The following DOCK5 variants were observed in gnomAD, a reference collection of about 807,000 sequenced individuals.
The protein encoded by DOCK5 is dedicator of cytokinesis 5.
A neutral mutation model predicts 251.8 loss-of-function variants in DOCK5; 142 were observed. The observed-to-expected ratio is 0.56, with a 90% CI of 0.49 to 0.65. The LOEUF (loss-of-function observed/expected upper bound fraction) is 0.65, where lower values mean the gene tolerates loss of function less well. Ranked by LOEUF, DOCK5 falls within the 30% of genes least tolerant of loss-of-function variation. DOCK5 has a pLI of 0.00. For synonymous variants in DOCK5, 842 were observed against 835.5 expected, an observed-to-expected ratio of 1.01 and a Z score of -0.13; for missense variants, 2,111 against 2,312.3, an observed-to-expected ratio of 0.91 and a Z score of 1.79.
chr8:25,364,913 A>G (rs535988672), intron 30 of DOCK5: 1 of 433,490 alleles, frequency 2.3e-6, no homozygotes, highest in Non-Finnish European at 4.1e-6. Context: ...TAAAGGTAAC[A>G]TATGTAAAAA....
chr8:25,384,463 A>ATTTAT (rs1400363524), intron 40 of DOCK5, among the ~76,000 whole-genome samples: 7 of 135,690 alleles, frequency 5.2e-5, no homozygotes, highest in African/African-American at 7.9e-5. Context: ...TTATTTATTT[A>ATTTAT]TTTTTTTTTT....
chr8:25,376,289 T>C lies in DOCK5; in HGVS notation c.3817-1016T>C, dbSNP rs199983094. The C allele has an allele frequency of 1.3e-4, 129 of 977,522 alleles. No homozygotes were observed. The East Asian group carries it at 1.0e-2, about 76-fold the overall frequency. The allele number at this position is 977,522 out of a possible 1,614,324, so 60.6% of individuals were successfully genotyped here. A position where few individuals can be genotyped will look rare whatever the true frequency, so the allele number is the denominator to read the frequency against. ...GTAAGATATGAGGTATGAATGCAGC[T>C]TTTTTTCCCCCCAGATTGCTATTCA... On this transcript the variant is annotated intron_variant, in intron 37 of 51. Coordinates refer to ENST00000276440, the MANE Select transcript of DOCK5 (RefSeq NM_024940.8).
In DOCK5 at chr8:25,411,259, G is replaced by C. The variant is rs1324881887; in HGVS notation, c.5574G>C (p.Arg1858=). ...CACCCCCTCCACCTCCAAAGGCTCG[G>C]AAGTCTGGCATCCCTACTTCCGAGC... ...KAPPPPPPKA[R]KSGIPTSEPG... The change falls in exon 52 of 52, where the codon CGG becomes CGC. Residue 1858 remains arginine (R), a synonymous_variant. Transcript: ENST00000276440. The C allele has an allele frequency of 6.3e-7, 1 of 1,583,850 alleles. No individual in the cohort carries two copies. The highest frequency in any genetic ancestry group is 8.6e-7 in the Non-Finnish European group (1 of 1,167,264).
chr8:25,275,322 G>T, intron 3 of DOCK5, 64 bp from the exon 4 acceptor site: 1 of 1,347,338 alleles, frequency 7.4e-7, no homozygotes, highest in East Asian at 2.4e-5. Flanking sequence ...TTTGGGCTGA[G>T]GTGTTTTTGT....
At chr8:25,267,708 G>T (rs1446923464) in intron 2 of DOCK5, among the ~76,000 whole-genome samples, 2 of 152,130 alleles carry the variant, frequency 1.3e-5, no homozygotes, top group African/African-American at 4.8e-5. Context: ...TTAGTTGATG[G>T]GCATGGGGAA....
chr8:25,203,435 A>G (rs973943489), intron 1 of DOCK5, among the ~76,000 whole-genome samples: 15 of 152,244 alleles, frequency 9.9e-5, no homozygotes, highest in African/African-American at 3.4e-4. Flanking sequence ...GTTTGAGGCT[A>G]CAGAAGAATT....
intron 1 of DOCK5, among the ~76,000 whole-genome samples, chr8:25,228,924 A>G (rs990903742): frequency 4.6e-5 from 7 of 151,954 alleles, no homozygotes; most frequent in Admixed American, 3.3e-4. Flanking sequence ...TCTTCTTTCA[A>G]TCTTTTAAAC....
In DOCK5 at chr8:25,374,603, G is replaced by A; in HGVS notation, c.3765G>A (p.Glu1255=). 6.2e-7 allele frequency: 1 copy of A among 1,613,438 alleles called. No individual in the cohort carries two copies. The highest frequency in any genetic ancestry group is 8.5e-7 in the Non-Finnish European group (1 of 1,179,786). Residue 1255 remains glutamate, a synonymous_variant, in exon 37 of 52, where the codon GAG becomes GAA. Transcript: ENST00000276440. The part of the protein sequence containing the change: ...YKLRDLHRDC[E]NYTEAAYTLL... ...TTCGAGATTTGCACCGAGACTGTGA[G>A]AACTACACAGAAGCTGCCTACACGC... is the stretch of plus-strand genomic sequence containing the variant.
At chr8:25,192,434 G>T (rs142679893) in intron 1 of DOCK5, among the ~76,000 whole-genome samples, 1 of 152,150 alleles carries the variant, frequency 6.6e-6, no homozygotes, top group South Asian at 2.1e-4. Flanking sequence ...CGTCACCTTG[G>T]TTTTGCCCTG....
At chr8:25,313,679 G>A (rs1000035683) in intron 13 of DOCK5, among the ~76,000 whole-genome samples, 18 of 152,298 alleles carry the variant, frequency 1.2e-4, no homozygotes, top group Admixed American at 2.6e-4. Context: ...TGACAGCAGG[G>A]ATGGCTTCTT....
chr8:25,336,516 G>T, intron 22 of DOCK5, 143 bp downstream of exon 22: 1 of 1,165,284 alleles, frequency 8.6e-7, no homozygotes, highest in Non-Finnish European at 1.2e-6. Flanking sequence ...GCTGAAGATG[G>T]ATTTGGGCTG....
chr8:25,404,655 T>C (rs183364490), intron 48 of DOCK5, among the ~76,000 whole-genome samples: 4 of 152,318 alleles, frequency 2.6e-5, no homozygotes, highest in Non-Finnish European at 2.9e-5. Flanking sequence ...TTTCACTCTA[T>C]TACTGTTACT....
At chr8:25,393,125 G>A (rs1284583143) in intron 44 of DOCK5, among the ~76,000 whole-genome samples, 1 of 152,184 alleles carries the variant, frequency 6.6e-6, no homozygotes, top group Non-Finnish European at 1.5e-5. Context: ...GAGGAGTGGT[G>A]TCTGCTCAGC....
intron 13 of DOCK5, among the ~76,000 whole-genome samples, chr8:25,313,669 T>TTG (rs1185150343): frequency 6.6e-6 from 1 of 152,200 alleles, no homozygotes; most frequent in Non-Finnish European, 1.5e-5. Context: ...AACACCAAGG[T>TTG]GACAGCAGGG....
intron 13 of DOCK5, among the ~76,000 whole-genome samples, chr8:25,316,548 A>T (rs1037433675): frequency 2.0e-5 from 3 of 152,162 alleles, no homozygotes; most frequent in Non-Finnish European, 4.4e-5. Context: ...TGTTCTGTAG[A>T]TTAACAAGTT....
chr8:25,223,487 A>T (rs1169440546), intron 1 of DOCK5, among the ~76,000 whole-genome samples: 2 of 151,984 alleles, frequency 1.3e-5, no homozygotes, highest in African/African-American at 4.8e-5. Flanking sequence ...GTTAATTTTT[A>T]AATTATTTGT....
intron 3 of DOCK5, among the ~76,000 whole-genome samples, chr8:25,272,731 C>T (rs894039923): frequency 1.3e-5 from 2 of 152,068 alleles, no homozygotes; most frequent in African/African-American, 4.8e-5. Flanking sequence ...ACCATCTTAA[C>T]CATTTGTAAG....
rs1800913025 is a variant in DOCK5 at position 25,373,599 on chromosome 8, T to G, written c.3685-19T>G. ...CTTGATTTATGTTGGGATTCTGTGA[T>G]CCTTTTTTTTCCTGGCAGAACTTTT... On this transcript the variant is annotated intron_variant, in intron 35 of 51. Transcript: ENST00000276440. 6.5e-7 allele frequency: 1 copy of G among 1,547,070 alleles called. No homozygotes were observed. Among genetic ancestry groups the G allele is most frequent in the Non-Finnish European group, 8.7e-7 (1 of 1,145,898 alleles).
chr8:25,399,379 T>A (rs1335610920), intron 45 of DOCK5, among the ~76,000 whole-genome samples: 1 of 152,218 alleles, frequency 6.6e-6, no homozygotes, highest in African/African-American at 2.4e-5. Flanking sequence ...ATTTTCTTTT[T>A]AAAATAGCAC....
Sources: gnomAD v4.1 joint callset for allele counts (sites outside exome capture counted in the v4.1 genomes callset) on GRCh38, gnomAD v4.1.1 for gene constraint, MANE v1.5 for transcripts, NCBI Gene and HGNC (gene_info 2026-07-23, HGNC 2026-07-21) for gene names.